The following LRP1 variants were observed in gnomAD, a reference collection of about 807,000 sequenced individuals.
LRP1 encodes prolow-density lipoprotein receptor-related protein 1.
Under a neutral mutation model 541.5 loss-of-function variants are expected in LRP1, and 51 were observed. That is an observed-to-expected ratio of 0.09 (90% CI 0.08 to 0.12). The LOEUF (loss-of-function observed/expected upper bound fraction) is 0.12, where lower values mean the gene tolerates loss of function less well. LRP1 is among the 10% of genes least tolerant of loss of function. The pLI, the probability that LRP1 is intolerant of heterozygous loss-of-function variation, is 1.00. For synonymous variants in LRP1, 2,219 were observed against 2,470.8 expected, an observed-to-expected ratio of 0.90 and a Z score of 3.02; for missense variants, 3,878 against 6,376.2, an observed-to-expected ratio of 0.61 and a Z score of 13.34.
chr12:57,197,018 G>A lies in LRP1; in HGVS notation c.8929G>A (p.Gly2977Ser), dbSNP rs1238338200. Residue 2977 changes from glycine to serine, a missense_variant, in exon 56 of 89, where the codon GGC becomes AGC. This residue lies in a region of LRP1 where 1,100 missense variants were observed against 1,827.4 expected (regional missense o/e 0.60). Coordinates refer to ENST00000243077, the MANE Select transcript of LRP1 (RefSeq NM_002332.3). This position sits in a 1 kb window ranked among gnomAD's most constrained non-coding sequence, Gnocchi z 4.5. ...CCCTGGCTTCCGGCTGAAGGACGACGGCCGGACGTGTGCTGATGTGGACGA... is the reference window on the plus strand; with the variant it reads ...CCCTGGCTTCCGGCTGAAGGACGACAGCCGGACGTGTGCTGATGTGGACGA... ...CRPGFRLKDD[G>S]RTCADVDECS... is the part of the protein sequence containing the mutation. 11 of 1,613,432 alleles carry A rather than the reference G, an allele frequency of 6.8e-6. No homozygotes were observed. Among genetic ancestry groups the A allele is most frequent in the East Asian group, 4.5e-5 (2 of 44,882 alleles).
chr12:57,201,303 A>G lies in LRP1; in HGVS notation c.10345+150A>G. 2.9e-6 allele frequency: 4 copies of G among 1,400,528 alleles called. No homozygotes were observed. Among genetic ancestry groups the G allele is most frequent in the Non-Finnish European group, 2.9e-6 (3 of 1,025,820 alleles). The allele number at this position is 1,400,528 out of a possible 1,614,324, so 86.8% of individuals were successfully genotyped here. ...TGGGTGTAACTTGCTTTGCTCATAA[A>G]AATCATCATGCATGATATAGAGACA... On this transcript the variant is annotated intron_variant, in intron 65 of 88. Coordinates refer to ENST00000243077, the MANE Select transcript of LRP1 (RefSeq NM_002332.3). This position sits in a 1 kb window ranked among gnomAD's most constrained non-coding sequence, Gnocchi z 6.4.
At chr12:57,209,631 G>A in intron 79 of LRP1, 61 bp from the exon 80 acceptor site, 1 of 1,457,620 alleles carries the variant, frequency 6.9e-7, no homozygotes, top group Non-Finnish European at 9.6e-7. Context: ...CAGTGTCGTG[G>A]ACAGCATGGC....
In LRP1 at chr12:57,156,841, G is replaced by A. The variant is rs767777439; in HGVS notation, c.1482G>A (p.Leu494=). ...GKPGGCSDIC[L]LANSHKARTC... is the part of the protein sequence containing the mutation. ...CGGGTGGCTGCTCTGACATCTGCCT[G>A]CTGGCCAACAGCCACAAGGCGCGGA... is the stretch of plus-strand genomic sequence containing the variant. The change falls in exon 10 of 89, where the codon CTG becomes CTA. Residue 494 remains leucine (L), a synonymous_variant. Coordinates refer to ENST00000243077, the MANE Select transcript of LRP1 (RefSeq NM_002332.3). The surrounding 1 kb of genome is among the most constrained non-coding windows in gnomAD (Gnocchi z 5.2). 1 of 1,605,920 alleles carries A rather than the reference G, an allele frequency of 6.2e-7. No homozygotes were observed.
At chr12:57,153,515 C>T (rs1250427666) in intron 6 of LRP1, among the ~76,000 whole-genome samples, 1 of 152,138 alleles carries the variant, frequency 6.6e-6, no homozygotes, top group Non-Finnish European at 1.5e-5. Context: ...ACTCTCTCTC[C>T]TCCAGCCCTA....
intron 6 of LRP1, among the ~76,000 whole-genome samples, chr12:57,153,100 T>C (rs1412110918): frequency 2.6e-5 from 4 of 152,176 alleles, no homozygotes; most frequent in Non-Finnish European, 1.5e-5. Flanking sequence ...TCTTTACTTG[T>C]TGGGGAAACT....
At position 57,156,573 on chromosome 12, in the gene LRP1, A is replaced by G. The variant is rs577935763; in HGVS notation, c.1418-204A>G. Among the ~76,000 whole-genome samples, 1 of 152,320 alleles carries G rather than the reference A, an allele frequency of 6.6e-6. No individual in the cohort carries two copies. The highest frequency in any genetic ancestry group is 2.4e-5 in the African/African-American group (1 of 41,574). On this transcript the variant is annotated intron_variant, in intron 9 of 88. Coordinates refer to ENST00000243077, the MANE Select transcript of LRP1 (RefSeq NM_002332.3). This position sits in a 1 kb window ranked among gnomAD's most constrained non-coding sequence, Gnocchi z 5.2. Reference sequence around the variant, plus strand: ...GGCAACCCTGGAACTCTCTTCCCTGACTACTGAAGCCCCCACTCCAAGAGT... The same window carrying G: ...GGCAACCCTGGAACTCTCTTCCCTGGCTACTGAAGCCCCCACTCCAAGAGT...
In LRP1 at chr12:57,178,379, C is replaced by A; in HGVS notation, c.4382C>A (p.Ala1461Asp). The change falls in exon 27 of 89, where the codon GCC becomes GAC. Residue 1461 changes from alanine to aspartate, a missense_variant. Ala to Asp is a moderately radical substitution (Grantham distance 126, BLOSUM62 -2). Around this residue, in one of 13 missense-constraint regions of LRP1, gnomAD observed 54 missense variants for 167.7 expected, o/e 0.32. Transcript: ENST00000243077. This position sits in a 1 kb window ranked among gnomAD's most constrained non-coding sequence, Gnocchi z 5.8. Reference protein sequence around the residue: ...IDARSDAIYSARYDGSGHMEV... With the variant: ...IDARSDAIYSDRYDGSGHMEV... ...CTTAGGTCAGATGCCATTTACTCAGCCCGTTACGACGGCTCTGGCCACATG... is the reference window on the plus strand; with the variant it reads ...CTTAGGTCAGATGCCATTTACTCAGACCGTTACGACGGCTCTGGCCACATG... 1 of 1,614,090 alleles carries A rather than the reference C, an allele frequency of 6.2e-7. No homozygotes were observed. Among genetic ancestry groups the A allele is most frequent in the Non-Finnish European group, 8.5e-7 (1 of 1,179,934 alleles).
In LRP1 at chr12:57,159,887, G is replaced by A. The variant is rs369026283; in HGVS notation, c.1861G>A (p.Asp621Asn). 23 of 1,614,080 alleles carry A rather than the reference G, an allele frequency of 1.4e-5. No individual in the cohort carries two copies. The highest frequency in any genetic ancestry group is 1.8e-5 in the Non-Finnish European group (21 of 1,180,048). Residue 621 changes from aspartate (D) to asparagine (N), a missense_variant, in exon 12 of 89, where the codon GAT (aspartate) becomes AAT (asparagine). Coordinates refer to ENST00000243077, the MANE Select transcript of LRP1 (RefSeq NM_002332.3). ...WMGDNLYWTD[D>N]GPKKTISVAR... is the part of the protein sequence containing the mutation. ...GGGAGACAATCTGTACTGGACGGAC[G>A]ATGGGCCCAAAAAGACAATCAGCGT...
In LRP1 at chr12:57,178,882, GC is replaced by G. The variant is rs1565735871; in HGVS notation, c.4607-3del. 6.2e-7 allele frequency: 1 copy of G among 1,608,524 alleles called. No homozygotes were observed. The highest frequency in any genetic ancestry group is 1.1e-5 in the South Asian group (1 of 90,466). ...TCTGGCTTCTTCTCTTCTCCACCCTGCCCCCAGCTCCCAATCCCTGTGAGGC... is the reference window on the plus strand; with the variant it reads ...TCTGGCTTCTTCTCTTCTCCACCCTGCCCCAGCTCCCAATCCCTGTGAGGC... On this transcript the variant is annotated splice_region_variant and splice_polypyrimidine_tract_variant and intron_variant, in intron 27 of 88. Transcript: ENST00000243077. The surrounding 1 kb of genome is among the most constrained non-coding windows in gnomAD (Gnocchi z 5.8).
intron 5 of LRP1, 48 bp downstream of exon 5, chr12:57,145,148 G>T: frequency 6.2e-7 from 1 of 1,613,508 alleles, no homozygotes; most frequent in Non-Finnish European, 8.5e-7. Context: ...CCCCCTCAAT[G>T]CTGTTCCCTG....
chr12:57,210,045 C>T lies in LRP1; in HGVS notation c.12456C>T (p.Asp4152=), dbSNP rs1365033832. 3 of 1,610,726 alleles carry T rather than the reference C, an allele frequency of 1.9e-6. No homozygotes were observed. The highest frequency in any genetic ancestry group is 2.5e-6 in the Non-Finnish European group (3 of 1,178,204). ...HKQPEVTNPC[D]RKKCEWLCLL... ...TACCTGCAGTGACCAACCCATGTGA[C>T]CGCAAGAAATGCGAGTGGCTCTGCC... The change falls in exon 81 of 89, where the codon GAC becomes GAT. Residue 4152 remains aspartate (D), a synonymous_variant. Transcript: ENST00000243077.
chr12:57,194,773 G>A (rs2036492711), intron 50 of LRP1, 74 bp downstream of exon 50: 5 of 1,499,986 alleles, frequency 3.3e-6, no homozygotes, highest in Middle Eastern at 1.8e-4. Flanking sequence ...CCCAGCAAAT[G>A]CCCCCTTGGA....
Position 57,156,210 on chromosome 12 carries a change from C to T in LRP1, c.1344C>T (p.Thr448=), listed in dbSNP as rs150414361. 4 of 1,614,160 alleles carry T rather than the reference C, an allele frequency of 2.5e-6. No individual in the cohort carries two copies. Among genetic ancestry groups the T allele is most frequent in the Non-Finnish European group, 1.7e-6 (2 of 1,180,030 alleles). ...TCCGTGTGAACCGCTTTAACAGCAC[C>T]GAGTACCAGGTTGTCACCCGGGTGG... ...SVIRVNRFNS[T]EYQVVTRVDK... Residue 448 remains threonine, a synonymous_variant, in exon 9 of 89, where the codon ACC becomes ACT. Transcript: ENST00000243077. This position sits in a 1 kb window ranked among gnomAD's most constrained non-coding sequence, Gnocchi z 5.2.
intron 34 of LRP1, among the ~76,000 whole-genome samples, chr12:57,181,891 C>T (rs535452411): frequency 2.6e-5 from 4 of 152,302 alleles, no homozygotes; most frequent in African/African-American, 9.6e-5. Context: ...GATTTATGAG[C>T]TTGCTGGGGG....
intron 6 of LRP1, chr12:57,149,976 C>A: frequency 1.9e-6 from 1 of 539,802 alleles, no homozygotes; most frequent in Non-Finnish European, 3.3e-6. Context: ...AGGATCCTGG[C>A]AGTAGAAGAG....
chr12:57,129,201 G>A (rs1176497239), intron 1 of LRP1, 170 bp downstream of exon 1: 1 of 677,754 alleles, frequency 1.5e-6, no homozygotes, highest in African/African-American at 1.8e-5. Context: ...CCGATTTGGG[G>A]GATGGGGGCC....
At chr12:57,200,926 C>T in intron 64 of LRP1, 108 bp from the exon 65 acceptor site, 2 of 1,584,922 alleles carry the variant, frequency 1.3e-6, no homozygotes, top group Non-Finnish European at 1.7e-6. Context: ...GCTCTCCAGG[C>T]TGGATTCCTA....
At chr12:57,210,523 C>A in intron 82 of LRP1, 43 bp downstream of exon 82, 1 of 1,505,736 alleles carries the variant, frequency 6.6e-7, no homozygotes, top group Non-Finnish European at 8.9e-7. Context: ...TGCCCCTGGG[C>A]CCCAGCCCCG....
intron 70 of LRP1, 163 bp downstream of exon 70, chr12:57,203,684 G>A (rs926602564): frequency 1.5e-5 from 14 of 943,982 alleles, no homozygotes; most frequent in African/African-American, 1.2e-4. Flanking sequence ...TGTTAGGGAC[G>A]TAGTAGTAAA....
Sources: gnomAD v4.1 joint callset for allele counts (sites outside exome capture counted in the v4.1 genomes callset) on GRCh38, gnomAD v4.1.1 for gene constraint, gnomAD v4.1.1 regional missense constraint, Gnocchi (gnomAD v3.1) non-coding constraint, MANE v1.5 for transcripts, NCBI Gene and HGNC (gene_info 2026-07-23, HGNC 2026-07-21) for gene names.